ZNF512: variants seen among roughly 807,000 people sequenced by gnomAD.
ZNF512 encodes the protein zinc finger protein 512.
ZNF512 carries 25 observed loss-of-function variants against 77.5 expected under a neutral mutation model. The ratio of observed to expected loss-of-function variants is 0.32; its 90% CI spans 0.23 to 0.45. The LOEUF is 0.45. ZNF512 is among the 20% of genes least tolerant of loss of function. ZNF512 has a pLI of 1.00. For missense variants in ZNF512, 483 were observed against 692.6 expected (o/e 0.70, Z 3.40); for synonymous variants, 246 against 239.9 (o/e 1.03, Z -0.24).
At chr2:27,602,002 T>C (rs1176466043) in intron 7 of ZNF512, among the ~76,000 whole-genome samples, 1 of 152,202 alleles carries the variant, frequency 6.6e-6, no homozygotes, top group East Asian at 1.9e-4. Flanking sequence ...CAGGCTGGTC[T>C]CGAACTCCTG....
Position 27,615,257 on chromosome 2 carries a change from G to T in ZNF512, c.1221G>T (p.Gln407His), listed in dbSNP as rs1195670009. The change falls in exon 11 of 14, where the codon CAG becomes CAT. Residue 407 changes from glutamine (Q) to histidine (H), a missense_variant. Transcript: ENST00000355467. ...KTDIKKYHRIQCPNQGCEAVY... is the reference protein window; with the variant it reads ...KTDIKKYHRIHCPNQGCEAVY... ...ATATCAAGAAATATCATCGTATTCA[G>T]TGTCCTAACCAGGTGGTTCTTTCTC... 6.3e-7 allele frequency: 1 copy of T among 1,599,658 alleles called. No individual in the cohort carries two copies. The highest frequency in any genetic ancestry group is 1.7e-5 in the Admixed American group (1 of 58,028).
chr2:27,601,387 A>G lies in ZNF512; in HGVS notation c.614A>G (p.Gln205Arg). 6.2e-7 allele frequency: 1 copy of G among 1,614,140 alleles called. No individual in the cohort carries two copies. Among genetic ancestry groups the G allele is most frequent in the Non-Finnish European group, 8.5e-7 (1 of 1,180,020 alleles). The part of the protein sequence containing the change: ...EMFTCHHCGK[Q>R]LRSLAGMKYH... Reference sequence around the variant, plus strand: ...TTTACTTGTCATCATTGTGGGAAACAACTTCGTTCACTGGCAGGGATGAAG... The same window carrying G: ...TTTACTTGTCATCATTGTGGGAAACGACTTCGTTCACTGGCAGGGATGAAG... The change falls in exon 7 of 14, where the codon CAA becomes CGA. Residue 205 changes from glutamine to arginine, a missense_variant. Physicochemically the swap from Gln to Arg is conservative, Grantham distance 43 (BLOSUM62 1). Transcript: ENST00000355467.
In ZNF512 at chr2:27,617,576, G is replaced by T; in HGVS notation, c.1395+5G>T. 1 of 1,095,994 alleles carries T rather than the reference G, an allele frequency of 9.1e-7. No individual in the cohort carries two copies. The highest frequency in any genetic ancestry group is 1.4e-6 in the Non-Finnish European group (1 of 706,538). The allele number at this position is 1,095,994 out of a possible 1,614,324, so 67.9% of individuals were successfully genotyped here. ...ATCAACTCCGTCCATGCTGAGGTGAGGTTTTTGTAATCCTGTGGGCCTGAT... is the reference window on the plus strand; with the variant it reads ...ATCAACTCCGTCCATGCTGAGGTGATGTTTTTGTAATCCTGTGGGCCTGAT... On this transcript the variant is annotated splice_donor_5th_base_variant and intron_variant, in intron 13 of 13. Coordinates refer to ENST00000355467, the MANE Select transcript of ZNF512 (RefSeq NM_032434.4).
At chr2:27,594,707 C>T (rs886160069) in intron 2 of ZNF512, among the ~76,000 whole-genome samples, 8 of 151,912 alleles carry the variant, frequency 5.3e-5, no homozygotes, top group Non-Finnish European at 1.0e-4. Context: ...GGCAGAGACG[C>T]TCCTCACTTC....
rs1485007296 is a variant in ZNF512 at position 27,610,583 on chromosome 2, T to TACA, written c.1131+2544_1131+2545insACA. 5.2e-3 allele frequency among the ~76,000 whole-genome samples: 352 copies of TACA among 67,186 alleles called. 16 individuals carry two copies. The highest frequency in any genetic ancestry group is 0.02 in the African/African-American group (289 of 14,566). 44.1% of individuals were successfully genotyped at this position (67,186 alleles called of 152,430 possible). ...ATATATATATATTTTTTTTTTTTTT[T>TACA]TTTTTTTTTTTTTTTTTGAGACAGC... On this transcript the variant is annotated intron_variant, in intron 10 of 13. Coordinates refer to ENST00000355467, the MANE Select transcript of ZNF512 (RefSeq NM_032434.4).
intron 3 of ZNF512, among the ~76,000 whole-genome samples, chr2:27,598,909 C>T (rs955395145): frequency 2.0e-5 from 3 of 151,926 alleles, no homozygotes; most frequent in South Asian, 2.1e-4. Context: ...TCAGGCTCAC[C>T]GCACCCTCCT....
chr2:27,585,101 GTGA>G (rs1402131080), intron 2 of ZNF512, among the ~76,000 whole-genome samples: 1 of 152,224 alleles, frequency 6.6e-6, no homozygotes, highest in Admixed American at 6.5e-5. Flanking sequence ...TGTACAGGTG[GTGA>G]TGATGAGAAG....
chr2:27,595,121 C>T (rs749300239), intron 2 of ZNF512, among the ~76,000 whole-genome samples: 32 of 151,952 alleles, frequency 2.1e-4, no homozygotes, highest in Non-Finnish European at 4.1e-4. Context: ...AGAGGGAGAC[C>T]GAAGAAGGGA....
rs1281342497 is a variant in ZNF512 at position 27,603,319 on chromosome 2, T to G, written c.936+12T>G. On this transcript the variant is annotated intron_variant, in intron 9 of 13. Transcript: ENST00000355467. ...CAGAGCATGGGCCTGTGAGTACTGA[T>G]TCCTTTCTATACCCTGCGTGGGGAT... 6.2e-7 allele frequency: 1 copy of G among 1,613,336 alleles called. No homozygotes were observed.
intron 7 of ZNF512, 143 bp from the exon 8 acceptor site, chr2:27,602,320 G>A: frequency 3.0e-6 from 2 of 662,384 alleles, no homozygotes; most frequent in South Asian, 2.0e-5. Context: ...AGAAGATGGA[G>A]AACACCAGGA....
chr2:27,593,391 C>CAAAA (rs572251742), intron 2 of ZNF512, among the ~76,000 whole-genome samples: 1 of 76,740 alleles, frequency 1.3e-5, no homozygotes, highest in Non-Finnish European at 3.1e-5. Flanking sequence ...GACCTTGTCT[C>CAAAA]AAAAAAAAAA....
At chr2:27,603,903 TTTAATTAA>T in intron 9 of ZNF512, among the ~76,000 whole-genome samples, 1 of 150,012 alleles carries the variant, frequency 6.7e-6, no homozygotes, top group Non-Finnish European at 1.5e-5. Flanking sequence ...CAGCCCATTA[TTTAATTAA>T]TTAATTAATT....
chr2:27,615,227 G>C lies in ZNF512; in HGVS notation c.1191G>C (p.Lys397Asn). The C allele has an allele frequency of 6.2e-7, 1 of 1,606,844 alleles. No homozygotes were observed. Among genetic ancestry groups the C allele is most frequent in the Non-Finnish European group, 8.5e-7 (1 of 1,176,684 alleles). The change falls in exon 11 of 14, where the codon AAG becomes AAC. Residue 397 changes from lysine to asparagine, a missense_variant. By Grantham distance (94) the Lys-to-Asn change is moderately conservative. Coordinates refer to ENST00000355467, the MANE Select transcript of ZNF512 (RefSeq NM_032434.4). The part of the protein sequence containing the change: ...TFSQEVLHKW[K>N]TDIKKYHRIQ... ...GCCAGGAAGTACTACATAAATGGAA[G>C]ACAGATATCAAGAAATATCATCGTA...
chr2:27,594,577 G>A (rs1021115275), intron 2 of ZNF512, among the ~76,000 whole-genome samples: 3 of 150,352 alleles, frequency 2.0e-5, no homozygotes, highest in Non-Finnish European at 4.4e-5. Flanking sequence ...ATGATGGGCG[G>A]CCAGGCAGAG....
At chr2:27,595,994 T>C (rs781474813) in intron 2 of ZNF512, among the ~76,000 whole-genome samples, 1 of 152,202 alleles carries the variant, frequency 6.6e-6, no homozygotes, top group Non-Finnish European at 1.5e-5. Context: ...TGTGAATACT[T>C]TTTGTGTAGA....
At chr2:27,587,483 GCCAGGCTGGTCTCGAACTCCTGA>G (rs1356187716) in intron 2 of ZNF512, among the ~76,000 whole-genome samples, 5 of 151,682 alleles carry the variant, frequency 3.3e-5, no homozygotes, top group Non-Finnish European at 5.9e-5. Flanking sequence ...CACCATGTTG[GCCAGGCTGGTCTCGAACTCCTGA>G]CCTTAAGTGT....
rs1408987466 is a variant in ZNF512 at position 27,603,415 on chromosome 2, A to T, written c.936+108A>T. ...TGGTTCCTCATTTGTATCCTCTTTT[A>T]ATCTCTGAATGCTTGTGTGTTGTCT... On this transcript the variant is annotated intron_variant, in intron 9 of 13. Transcript: ENST00000355467. 6.0e-6 allele frequency: 7 copies of T among 1,163,086 alleles called. No homozygotes were observed. The African/African-American group carries it at 9.2e-5, about 15-fold the overall frequency. 72.0% of individuals were successfully genotyped at this position (1,163,086 alleles called of 1,614,324 possible). A position where few individuals can be genotyped will look rare whatever the true frequency, so the allele number is the denominator to read the frequency against.
In ZNF512 at chr2:27,622,547, T is replaced by A. The variant is rs1175868919; in HGVS notation, c.*1086T>A. 4 of 152,818 alleles carry A rather than the reference T, an allele frequency of 2.6e-5. No homozygotes were observed. The highest frequency in any genetic ancestry group is 4.4e-5 in the Non-Finnish European group (3 of 68,044). The allele number at this position is 152,818 out of a possible 1,614,324, so 9.5% of individuals were successfully genotyped here. A position where few individuals can be genotyped will look rare whatever the true frequency, so the allele number is the denominator to read the frequency against. ...TTGACACCAGATGTAGATATTTATC[T>A]GGAGCTGGAAAGAAAAATTCTTTTT... On this transcript the variant is annotated 3_prime_UTR_variant, in exon 14 of 14. Transcript: ENST00000355467.
intron 10 of ZNF512, among the ~76,000 whole-genome samples, chr2:27,614,693 A>C (rs1672807872): frequency 6.6e-6 from 1 of 151,824 alleles, no homozygotes; most frequent in South Asian, 2.1e-4. Flanking sequence ...AAAAAAAAAA[A>C]AATTCAACCA....
Sources: allele counts gnomAD v4.1 joint callset (sites outside exome capture counted in the v4.1 genomes callset), GRCh38; gene constraint gnomAD v4.1.1; transcripts MANE v1.5; gene names NCBI Gene and HGNC (gene_info 2026-07-23, HGNC 2026-07-21).